FRMD4B: variants seen among roughly 807,000 people sequenced by gnomAD.
The protein encoded by FRMD4B is FERM domain containing 4B.
In FRMD4B, 74 loss-of-function variants were observed where a neutral mutation model predicts 141.5. The observed-to-expected ratio is 0.52, with a 90% CI of 0.43 to 0.63. The LOEUF is 0.63. FRMD4B is among the 30% of genes least tolerant of loss of function. The pLI is 0.00. For synonymous variants in FRMD4B, 506 were observed against 467.9 expected (o/e 1.08, Z -1.05); for missense variants, 1,366 against 1,253.4 (o/e 1.09, Z -1.36).
chr3:69,219,927 A>C (rs918163641), intron 9 of FRMD4B, among the ~76,000 whole-genome samples: 2 of 152,166 alleles, frequency 1.3e-5, no homozygotes, highest in African/African-American at 4.8e-5. Flanking sequence ...CCAGCTTCAT[A>C]CATGTCCCTG....
chr3:69,270,189 C>G (rs1173010112), intron 5 of FRMD4B, among the ~76,000 whole-genome samples: 2 of 152,200 alleles, frequency 1.3e-5, no homozygotes, highest in African/African-American at 4.8e-5. Flanking sequence ...CTCTCTCAGT[C>G]TATTTCTCAA....
intron 1 of FRMD4B, among the ~76,000 whole-genome samples, chr3:69,441,730 C>G (rs910031367): frequency 6.6e-6 from 1 of 152,150 alleles, no homozygotes; most frequent in African/African-American, 2.4e-5. Context: ...AATGAACTCA[C>G]GTGGATCTCC....
intron 7 of FRMD4B, among the ~76,000 whole-genome samples, chr3:69,232,444 G>A (rs970166119): frequency 1.3e-5 from 2 of 152,146 alleles, no homozygotes; most frequent in Non-Finnish European, 2.9e-5. Context: ...TTTCCAGAAG[G>A]AAGCTGCCCA....
intron 2 of FRMD4B, among the ~76,000 whole-genome samples, chr3:69,408,831 T>G (rs1704703153): frequency 6.6e-6 from 1 of 152,064 alleles, no homozygotes; most frequent in South Asian, 2.1e-4. Context: ...GAGGGCTCAC[T>G]CCCAAGTTGC....
At chr3:69,457,295 C>T (rs1705635652) in intron 1 of FRMD4B, among the ~76,000 whole-genome samples, 1 of 152,178 alleles carries the variant, frequency 6.6e-6, no homozygotes, top group Admixed American at 6.5e-5. Context: ...AAAAGGTTAG[C>T]ATGGCTGTAT....
chr3:69,302,146 C>T (rs997498410), intron 4 of FRMD4B, among the ~76,000 whole-genome samples, 197 bp downstream of exon 4: 4 of 152,190 alleles, frequency 2.6e-5, no homozygotes, highest in South Asian at 2.1e-4. Context: ...AACAGCTCTA[C>T]GGTATCTATG....
At chr3:69,246,272 A>G (rs922867525) in intron 7 of FRMD4B, among the ~76,000 whole-genome samples, 1 of 152,106 alleles carries the variant, frequency 6.6e-6, no homozygotes, top group Non-Finnish European at 1.5e-5. Context: ...CCTGGGTAAC[A>G]TGGTGAATCC....
At chr3:69,536,522 C>T (rs1020457258) in intron 1 of FRMD4B, 1 of 699,404 alleles carries the variant, frequency 1.4e-6, no homozygotes, top group Admixed American at 2.0e-5. Context: ...AGCGCCTCTA[C>T]CACCGTGCGG....
intron 5 of FRMD4B, among the ~76,000 whole-genome samples, chr3:69,251,519 A>C (rs1041021010): frequency 1.3e-5 from 2 of 152,240 alleles, no homozygotes; most frequent in Non-Finnish European, 2.9e-5. Context: ...CCAGGGTGTT[A>C]CAATGCCAGC....
At chr3:69,443,425 C>T (rs140331686) in intron 1 of FRMD4B, among the ~76,000 whole-genome samples, 3 of 152,242 alleles carry the variant, frequency 2.0e-5, no homozygotes, top group African/African-American at 7.2e-5. Flanking sequence ...TTCTAATGAA[C>T]TGGTAAGTGA....
intron 1 of FRMD4B, among the ~76,000 whole-genome samples, chr3:69,360,202 C>T (rs1274946142): frequency 2.0e-5 from 3 of 152,146 alleles, no homozygotes; most frequent in Admixed American, 6.5e-5. Flanking sequence ...GTCATAACCA[C>T]CTCCCATTTT....
At chr3:69,232,385 T>C (rs911697676) in intron 7 of FRMD4B, among the ~76,000 whole-genome samples, 2 of 152,186 alleles carry the variant, frequency 1.3e-5, no homozygotes, top group African/African-American at 2.4e-5. Flanking sequence ...TATCTGATTA[T>C]CTAGGCTGAA....
Position 69,466,067 on chromosome 3 carries a change from T to C in FRMD4B, c.-128-33306A>G, listed in dbSNP as rs930584403. Among the ~76,000 whole-genome samples the C allele has an allele frequency of 1.4e-4, 21 of 150,210 alleles. 1 individual carries two copies. Among genetic ancestry groups the C allele is most frequent in the African/African-American group, 1.7e-4 (7 of 40,852 alleles). ...TCTCCAGCATCTGTTGTTTCCTGAC[T>C]TTTTTTTTTCTCATTCTAAGTGGCA... is the stretch of plus-strand genomic sequence containing the variant. On this transcript the variant is annotated intron_variant, in intron 1 of 5. Transcript: ENST00000459638.
At chr3:69,375,493 A>G (rs972216886) in intron 1 of FRMD4B, among the ~76,000 whole-genome samples, 3 of 151,158 alleles carry the variant, frequency 2.0e-5, no homozygotes, top group Non-Finnish European at 4.4e-5. Flanking sequence ...AGAAAAAAAT[A>G]GAGCTTTAGA....
At chr3:69,484,372 T>C (rs1383483927) in intron 1 of FRMD4B, among the ~76,000 whole-genome samples, 1 of 152,120 alleles carries the variant, frequency 6.6e-6, no homozygotes, top group African/African-American at 2.4e-5. Flanking sequence ...TTGTACCAGG[T>C]GCTATTGTTA....
chr3:69,370,653 G>C (rs1410513703), intron 1 of FRMD4B, among the ~76,000 whole-genome samples: 1 of 152,224 alleles, frequency 6.6e-6, no homozygotes, highest in Non-Finnish European at 1.5e-5. Flanking sequence ...CCCCACATGA[G>C]GTTTCTAAAG....
rs551487269 is a variant in FRMD4B at position 69,258,522 on chromosome 3, G to GT, written c.502-8424dup. On this transcript the variant is annotated intron_variant, in intron 5 of 22. Transcript: ENST00000398540. ...TCCTGAAAAACAATTTCAATTTGCA[G>GT]TTTTTTTTTCAATATCACCTTTACT... 2.0e-3 allele frequency among the ~76,000 whole-genome samples: 302 copies of GT among 150,698 alleles called. 1 individual carries two copies. The highest frequency in any genetic ancestry group is 6.8e-3 in the African/African-American group (277 of 41,016).
intron 11 of FRMD4B, among the ~76,000 whole-genome samples, chr3:69,203,509 TG>T (rs1054751900): frequency 1.4e-4 from 21 of 151,856 alleles, no homozygotes; most frequent in African/African-American, 5.1e-4. Flanking sequence ...GTCTTGTTCT[TG>T]TCAGCAAGTA....
chr3:69,422,425 G>C (rs1704997574), intron 2 of FRMD4B, among the ~76,000 whole-genome samples: 1 of 151,224 alleles, frequency 6.6e-6, no homozygotes, highest in South Asian at 2.1e-4. Flanking sequence ...GGGCAGGGAA[G>C]AGAGAAACCC....
Sources: allele counts gnomAD v4.1 joint callset (sites outside exome capture counted in the v4.1 genomes callset), GRCh38; gene constraint gnomAD v4.1.1; transcripts MANE v1.5; gene names NCBI Gene and HGNC (gene_info 2026-07-23, HGNC 2026-07-21).